The following SART1 variants were observed in gnomAD, a reference collection of about 807,000 sequenced individuals.
The protein encoded by SART1 is U4/U6.U5 tri-snRNP-associated protein 1.
A neutral mutation model predicts 105.0 loss-of-function variants in SART1; 28 were observed. The ratio of observed to expected loss-of-function variants is 0.27; its 90% CI spans 0.20 to 0.37. SART1 has a LOEUF of 0.37. Ranked by LOEUF, SART1 falls within the 10% of genes least tolerant of loss-of-function variation. The pLI is 1.00. For synonymous variants in SART1, 472 were observed against 462.9 expected (o/e 1.02, Z -0.25); for missense variants, 894 against 1,106.5 (o/e 0.81, Z 2.72).
chr11:65,977,158 G>A (rs1177336758), intron 15 of SART1, 57 bp downstream of exon 15: 3 of 1,330,640 alleles, frequency 2.3e-6, no homozygotes, highest in Non-Finnish European at 3.2e-6. Flanking sequence ...TGCAGGTGCA[G>A]GCAGGGCCCC....
rs989129697 is a variant in SART1 at position 65,965,544 on chromosome 11, G to A, written c.660+97G>A. On this transcript the variant is annotated intron_variant, in intron 5 of 19. Transcript: ENST00000312397. ...ACCCCAGAGAGGTGAGACGGGGCTTGGAGAAGGGAAGGGCCGTGGTCGGTA... is the reference window on the plus strand; with the variant it reads ...ACCCCAGAGAGGTGAGACGGGGCTTAGAGAAGGGAAGGGCCGTGGTCGGTA... The A allele has an allele frequency of 1.3e-5, 18 of 1,384,554 alleles. No individual in the cohort carries two copies. In the Admixed American group the frequency reaches 3.8e-4, roughly 29 times the overall value. The allele number at this position is 1,384,554 out of a possible 1,614,324, so 85.8% of individuals were successfully genotyped here. A position where few individuals can be genotyped will look rare whatever the true frequency, so the allele number is the denominator to read the frequency against.
chr11:65,970,085 A>G (rs1056007687), intron 12 of SART1, among the ~76,000 whole-genome samples: 1 of 152,190 alleles, frequency 6.6e-6, no homozygotes, highest in Non-Finnish European at 1.5e-5. Flanking sequence ...AAAAGTGGAA[A>G]GCCTATCACA....
Position 65,967,759 on chromosome 11 carries a change from G to C in SART1, c.1510G>C (p.Glu504Gln). The change falls in exon 12 of 20, where the codon GAG becomes CAG. Residue 504 changes from glutamate (E) to glutamine (Q), a missense_variant. By Grantham distance (29) the Glu-to-Gln change is conservative. This residue lies in a region of SART1 where 712 missense variants were observed against 778.2 expected (regional missense o/e 0.91). Coordinates refer to ENST00000312397, the MANE Select transcript of SART1 (RefSeq NM_005146.5). ...GGAGCTGGAGCTGCAGAAGCAGCTG[G>C]AGAAGGGACGCCGGCTGCGACAGTT... is the stretch of plus-strand genomic sequence containing the variant. Reference protein sequence around the residue: ...EAELELQKQLEKGRRLRQLQQ... With the variant: ...EAELELQKQLQKGRRLRQLQQ... 3 of 1,551,618 alleles carry C rather than the reference G, an allele frequency of 1.9e-6. No homozygotes were observed. Among genetic ancestry groups the C allele is most frequent in the Non-Finnish European group, 2.6e-6 (3 of 1,147,948 alleles).
Position 65,976,275 on chromosome 11 carries a change from C to T in SART1, c.1573-120C>T, listed in dbSNP as rs745800832. Reference sequence around the variant, plus strand: ...GTTAGGCGGCAGATAGCAGCTGGGCCTGCATGGGCTGTGGGCGTGGCCTGT... The same window carrying T: ...GTTAGGCGGCAGATAGCAGCTGGGCTTGCATGGGCTGTGGGCGTGGCCTGT... On this transcript the variant is annotated intron_variant, in intron 12 of 19. Transcript: ENST00000312397. This position sits in a 1 kb window ranked among gnomAD's most constrained non-coding sequence, Gnocchi z 5.1. 1 of 1,005,122 alleles carries T rather than the reference C, an allele frequency of 9.9e-7. No individual in the cohort carries two copies. The highest frequency in any genetic ancestry group is 1.4e-6 in the Non-Finnish European group (1 of 709,598). The allele number at this position is 1,005,122 out of a possible 1,614,324, so 62.3% of individuals were successfully genotyped here.
intron 12 of SART1, 123 bp downstream of exon 12, chr11:65,967,944 G>T: frequency 2.3e-6 from 2 of 871,354 alleles, no homozygotes; most frequent in Non-Finnish European, 3.2e-6. Context: ...TTGTTTTCTG[G>T]GTTTGTTTTT....
intron 12 of SART1, among the ~76,000 whole-genome samples, chr11:65,969,846 C>T (rs146142946): frequency 0.028 from 4,262 of 152,332 alleles, 199 homozygotes; most frequent in African/African-American, 0.097. Context: ...CCTCAGCCTC[C>T]TGAGTAGCTG....
chr11:65,978,037 C>T lies in SART1; in HGVS notation c.2172+138C>T, dbSNP rs904140004. ...CTGGCTGGGGGCCTGGTGAATGCCA[C>T]GGATGGGGAGGGGGCCCTCAGGGCT... On this transcript the variant is annotated intron_variant, in intron 17 of 19. Coordinates refer to ENST00000312397, the MANE Select transcript of SART1 (RefSeq NM_005146.5). This position sits in a 1 kb window ranked among gnomAD's most constrained non-coding sequence, Gnocchi z 6.8. 2.9e-5 allele frequency: 27 copies of T among 922,306 alleles called. No individual in the cohort carries two copies. Among genetic ancestry groups the T allele is most frequent in the Middle Eastern group, 3.4e-4 (1 of 2,972 alleles). 57.1% of individuals were successfully genotyped at this position (922,306 alleles called of 1,614,324 possible).
intron 2 of SART1, 46 bp from the exon 3 acceptor site, chr11:65,964,469 C>T (rs1481011485): frequency 1.2e-6 from 2 of 1,605,680 alleles, no homozygotes; most frequent in Non-Finnish European, 1.7e-6. Flanking sequence ...GCACATGGCA[C>T]CCTGTGTCTT....
intron 2 of SART1, 144 bp downstream of exon 2, chr11:65,964,275 T>C (rs758678327): frequency 1.1e-5 from 10 of 889,558 alleles, no homozygotes; most frequent in East Asian, 7.8e-5. Context: ...AGTTGACTTA[T>C]AGAAGAGAAA....
At chr11:65,972,899 C>G (rs11227368) in intron 12 of SART1, among the ~76,000 whole-genome samples, 2 of 151,956 alleles carry the variant, frequency 1.3e-5, no homozygotes, top group South Asian at 2.1e-4. Context: ...TGGCCGGGCG[C>G]GATGGCTCAC....
Position 65,961,893 on chromosome 11 carries a change from A to T in SART1, c.113A>T (p.His38Leu). The change falls in exon 1 of 20, where the codon CAC (histidine) becomes CTC (leucine). Residue 38 changes from histidine to leucine, a missense_variant. Transcript: ENST00000312397. ...QPPRHREHKK[H>L]KHRSGGSGGS... ...CCGCGGCACCGGGAACACAAAAAAC[A>T]CAAGCACCGGAGTGGCGGCAGTGGC... 6.4e-7 allele frequency: 1 copy of T among 1,562,402 alleles called. No individual in the cohort carries two copies. The highest frequency in any genetic ancestry group is 1.2e-5 in the South Asian group (1 of 86,836).
intron 12 of SART1, among the ~76,000 whole-genome samples, chr11:65,975,818 G>A (rs1167713569): frequency 6.6e-6 from 1 of 152,148 alleles, no homozygotes; most frequent in Admixed American, 6.6e-5. Flanking sequence ...ATCATTGTGT[G>A]TGGCTGGGCA....
intron 12 of SART1, among the ~76,000 whole-genome samples, chr11:65,974,955 C>G (rs10896071): frequency 0.99 from 150,403 of 152,084 alleles, 74,395 homozygotes; most frequent in Middle Eastern, 1. Context: ...CAGGAGAATG[C>G]TGTGAACCCA....
rs1397262219 is a variant in SART1 at position 65,980,030 on chromosome 11, T to C, written c.*1000T>C. On this transcript the variant is annotated 3_prime_UTR_variant, in exon 20 of 20. Coordinates refer to ENST00000312397, the MANE Select transcript of SART1 (RefSeq NM_005146.5). ...TGGGATGCTGAGGTGGGAGGATCAC[T>C]TGAACCTGGGAGACACAGGCTGCAG... Among the ~76,000 whole-genome samples, 1 of 152,084 alleles carries C rather than the reference T, an allele frequency of 6.6e-6. No homozygotes were observed. The highest frequency in any genetic ancestry group is 1.5e-5 in the Non-Finnish European group (1 of 68,014).
chr11:65,965,602 C>A, intron 5 of SART1, 100 bp from the exon 6 acceptor site: 1 of 1,366,140 alleles, frequency 7.3e-7, no homozygotes, highest in Non-Finnish European at 1.0e-6. Context: ...AGCTTTCCTG[C>A]AAGGCCTGCC....
In SART1 at chr11:65,962,058, T is replaced by G. The variant is rs776050089; in HGVS notation, c.278T>G (p.Val93Gly). 6.9e-7 allele frequency: 1 copy of G among 1,445,282 alleles called. No homozygotes were observed. The highest frequency in any genetic ancestry group is 1.3e-5 in the South Asian group (1 of 78,976). The allele number at this position is 1,445,282 out of a possible 1,614,324, so 89.5% of individuals were successfully genotyped here. The change falls in exon 1 of 20, where the codon GTG becomes GGG. Residue 93 changes from valine to glycine, a missense_variant. Physicochemically the swap from Val to Gly is moderately radical, Grantham distance 109. This residue lies in a region of SART1 where 712 missense variants were observed against 778.2 expected (regional missense o/e 0.91). Coordinates refer to ENST00000312397, the MANE Select transcript of SART1 (RefSeq NM_005146.5). ...RSQAEPSERR[V>G]KREKRDDGYE... The stretch of plus-strand genomic sequence containing the variant: ...CAGGCAGAGCCCTCCGAGCGGCGCG[T>G]GAAGCGGGAGAAGCGCGATGACGGC...
chr11:65,979,339 C>T lies in SART1; in HGVS notation c.*309C>T. 1 of 515,568 alleles carries T rather than the reference C, an allele frequency of 1.9e-6. No individual in the cohort carries two copies. The highest frequency in any genetic ancestry group is 3.5e-6 in the Non-Finnish European group (1 of 285,720). The allele number at this position is 515,568 out of a possible 1,614,324, so 31.9% of individuals were successfully genotyped here. A position where few individuals can be genotyped will look rare whatever the true frequency, so the allele number is the denominator to read the frequency against. On this transcript the variant is annotated 3_prime_UTR_variant, in exon 20 of 20. Coordinates refer to ENST00000312397, the MANE Select transcript of SART1 (RefSeq NM_005146.5). ...TAGAAACTCATCACCCTGCTCTCTC[C>T]TGGCCTCGGGGGCTGCACAGGTCAC...
chr11:65,972,446 G>T (rs1030640578), intron 12 of SART1, among the ~76,000 whole-genome samples: 6 of 152,048 alleles, frequency 3.9e-5, no homozygotes, highest in Admixed American at 3.9e-4. Flanking sequence ...TTCACATTTC[G>T]GAATCAAATT....
chr11:65,977,026 TCCA>T lies in SART1; in HGVS notation c.1877_1879del (p.Thr626del). ...ACGTGTCCCGTAGTTCTCTGCTTCC[TCCA>T]CCACCATCCTGGACGAGGAACCGAT... On this transcript the variant is annotated inframe_deletion, in exon 15 of 20. Coordinates refer to ENST00000312397, the MANE Select transcript of SART1 (RefSeq NM_005146.5). 6.2e-7 allele frequency: 1 copy of T among 1,613,626 alleles called. No individual in the cohort carries two copies. Among genetic ancestry groups the T allele is most frequent in the Non-Finnish European group, 8.5e-7 (1 of 1,179,650 alleles).
Sources: allele counts gnomAD v4.1 joint callset (sites outside exome capture counted in the v4.1 genomes callset), GRCh38; gene constraint gnomAD v4.1.1; regional missense constraint gnomAD v4.1.1; non-coding constraint Gnocchi (gnomAD v3.1); transcripts MANE v1.5; gene names NCBI Gene and HGNC (gene_info 2026-07-23, HGNC 2026-07-21).